CCSER1: variants seen among roughly 807,000 people sequenced by gnomAD.
CCSER1 encodes coiled-coil serine rich protein 1.
CCSER1 carries 41 observed loss-of-function variants against 82.0 expected under a neutral mutation model. The ratio of observed to expected loss-of-function variants is 0.50; its 90% CI spans 0.39 to 0.65. The LOEUF is 0.65. Among genes scored for constraint, CCSER1 ranks in the 30% least tolerant of loss-of-function variants. The probability of loss-of-function intolerance (pLI) is 0.00; values close to 1 mark genes in which losing one functional copy is unlikely to be tolerated. For synonymous variants in CCSER1, 414 were observed against 383.9 expected (o/e 1.08, Z -0.92); for missense variants, 1,119 against 1,064.2 (o/e 1.05, Z -0.72).
chr4:90,202,936 T>C (rs1011446671), intron 1 of CCSER1, among the ~76,000 whole-genome samples: 7 of 152,242 alleles, frequency 4.6e-5, no homozygotes, highest in African/African-American at 1.7e-4. Flanking sequence ...TTTGTTAAAA[T>C]GTCCAGGAAT....
At chr4:90,331,701 A>G (rs1158260343) in intron 3 of CCSER1, among the ~76,000 whole-genome samples, 2 of 152,194 alleles carry the variant, frequency 1.3e-5, no homozygotes, top group East Asian at 1.9e-4. Context: ...GCTTATAATT[A>G]TTGGTGAGGT....
chr4:91,127,088 A>G (rs1213092298), intron 10 of CCSER1, among the ~76,000 whole-genome samples: 1 of 151,992 alleles, frequency 6.6e-6, no homozygotes, highest in Non-Finnish European at 1.5e-5. Context: ...ACAGCAACAA[A>G]CAGAACTATG....
chr4:91,001,832 G>C (rs1230209517), intron 9 of CCSER1, among the ~76,000 whole-genome samples: 1 of 151,742 alleles, frequency 6.6e-6, no homozygotes, highest in Non-Finnish European at 1.5e-5. Flanking sequence ...TTCTTTAATT[G>C]TATTTTTGTT....
intron 10 of CCSER1, among the ~76,000 whole-genome samples, chr4:91,360,999 C>A (rs1560611803): frequency 6.6e-6 from 1 of 151,786 alleles, no homozygotes; most frequent in Non-Finnish European, 1.5e-5. Flanking sequence ...CAATGAAATT[C>A]TTCAGCTTTC....
intron 10 of CCSER1, among the ~76,000 whole-genome samples, chr4:91,208,705 CT>C (rs950854624): frequency 4.0e-5 from 6 of 151,864 alleles, no homozygotes; most frequent in South Asian, 2.1e-4. Context: ...TATTCAGGCT[CT>C]TTTTTGTTCT....
At position 90,507,784 on chromosome 4, in the gene CCSER1, C is replaced by T. The variant is rs940402237; in HGVS notation, c.1724+39430C>T. On this transcript the variant is annotated intron_variant, in intron 5 of 10. Transcript: ENST00000509176. Reference sequence around the variant, plus strand: ...CAGGAGCAAATGTAAAGGCTAATTTCGATGATTACTTTGAATTCTTTTTTA... The same window carrying T: ...CAGGAGCAAATGTAAAGGCTAATTTTGATGATTACTTTGAATTCTTTTTTA... Among the ~76,000 whole-genome samples the T allele has an allele frequency of 4.6e-5, 7 of 152,072 alleles. No homozygotes were observed. In the Middle Eastern group the frequency reaches 0.01, roughly 222 times the overall value.
chr4:90,296,835 C>T (rs1456097666), intron 1 of CCSER1, among the ~76,000 whole-genome samples: 1 of 152,120 alleles, frequency 6.6e-6, no homozygotes, highest in Non-Finnish European at 1.5e-5. Context: ...GGGCTCTGTT[C>T]TGTTCCATTG....
intron 10 of CCSER1, among the ~76,000 whole-genome samples, chr4:91,229,841 A>AG (rs912909259): frequency 6.0e-4 from 92 of 152,110 alleles, no homozygotes; most frequent in African/African-American, 2.2e-3. Context: ...TCGGGGGTTG[A>AG]GGGGAAAAGG....
At chr4:90,877,129 T>C (rs1032963661) in intron 8 of CCSER1, among the ~76,000 whole-genome samples, 7 of 152,110 alleles carry the variant, frequency 4.6e-5, no homozygotes, top group African/African-American at 1.4e-4. Flanking sequence ...AAAGACTTAT[T>C]TCTTGCTCAC....
intron 1 of CCSER1, among the ~76,000 whole-genome samples, chr4:90,181,673 A>G (rs910871335): frequency 6.6e-5 from 10 of 152,192 alleles, no homozygotes; most frequent in Non-Finnish European, 1.5e-4. Context: ...AACTTCAAAG[A>G]ACAACTTTTT....
intron 5 of CCSER1, among the ~76,000 whole-genome samples, chr4:90,609,202 A>C (rs1785138585): frequency 6.6e-6 from 1 of 152,094 alleles, no homozygotes; most frequent in Non-Finnish European, 1.5e-5. Flanking sequence ...TAGATAATAA[A>C]AATGTTGTGA....
In CCSER1 at chr4:91,172,054, G is replaced by A. The variant is rs539825664; in HGVS notation, c.2217+86060G>A. Among the ~76,000 whole-genome samples the A allele has an allele frequency of 5.3e-5, 8 of 151,966 alleles. No individual in the cohort carries two copies. In the East Asian group the frequency reaches 9.7e-4, roughly 18 times the overall value. Reference sequence around the variant, plus strand: ...TATACATTGCAAAGCACCTTGCATTGTTTTACCTTTTATAAAAGCCCATTG... The same window carrying A: ...TATACATTGCAAAGCACCTTGCATTATTTTACCTTTTATAAAAGCCCATTG... On this transcript the variant is annotated intron_variant, in intron 10 of 10. Transcript: ENST00000509176.
intron 9 of CCSER1, among the ~76,000 whole-genome samples, chr4:91,047,873 G>A (rs1159285154): frequency 6.6e-6 from 1 of 152,040 alleles, no homozygotes; most frequent in Admixed American, 6.6e-5. Flanking sequence ...GTTTCTTAAA[G>A]TAATGTATGA....
intron 1 of CCSER1, among the ~76,000 whole-genome samples, chr4:90,270,339 G>A (rs1166624575): frequency 6.6e-6 from 1 of 152,060 alleles, no homozygotes; most frequent in African/African-American, 2.4e-5. Flanking sequence ...ATTTATTCCA[G>A]GGATGCAAGG....
At position 90,381,615 on chromosome 4, in the gene CCSER1, T is replaced by C. The variant is rs147484221; in HGVS notation, c.1510-18421T>C. 8.3e-3 allele frequency among the ~76,000 whole-genome samples: 1,263 copies of C among 152,180 alleles called. 15 individuals carry two copies. The highest frequency in any genetic ancestry group is 0.058 in the Middle Eastern group (17 of 294). ...TCACTTTGTTTCAGAAATGTAATGA[T>C]CCTGTTGCTGTAAAGGAAAATAAAG... On this transcript the variant is annotated intron_variant, in intron 3 of 10. Transcript: ENST00000509176.
At chr4:90,202,383 A>C (rs1178686555) in intron 1 of CCSER1, among the ~76,000 whole-genome samples, 1 of 151,960 alleles carries the variant, frequency 6.6e-6, no homozygotes, top group Non-Finnish European at 1.5e-5. Context: ...TGGTATTTTT[A>C]GTAGAGATAG....
At chr4:90,158,618 G>A (rs1578243731) in intron 1 of CCSER1, among the ~76,000 whole-genome samples, 1 of 152,336 alleles carries the variant, frequency 6.6e-6, no homozygotes, top group African/African-American at 2.4e-5. Context: ...CCGCCTTGCA[G>A]TTTGATCTCA....
intron 5 of CCSER1, among the ~76,000 whole-genome samples, chr4:90,590,814 G>T (rs576972823): frequency 2.0e-5 from 3 of 152,238 alleles, no homozygotes; most frequent in South Asian, 4.1e-4. Context: ...ATTTAAAGTA[G>T]TTTTTTCTAG....
rs2110370093 is a variant in CCSER1, at chr4:91,603,386, A to C, written c.*4329A>C. ...GTTCTATTTCCAAGGCATGCAGCCC[A>C]AAACCAAAAAGTTAAAAGATGATAA... is the stretch of plus-strand genomic sequence containing the variant. On this transcript the variant is annotated 3_prime_UTR_variant, in exon 11 of 11. Transcript: ENST00000509176. 6.6e-6 allele frequency: 1 copy of C among 152,290 alleles called. No homozygotes were observed. 9.4% of individuals were successfully genotyped at this position (152,290 alleles called of 1,614,324 possible).
Sources: gnomAD v4.1 joint callset for allele counts (sites outside exome capture counted in the v4.1 genomes callset) on GRCh38, gnomAD v4.1.1 for gene constraint, MANE v1.5 for transcripts, NCBI Gene and HGNC (gene_info 2026-07-23, HGNC 2026-07-21) for gene names.